Variants in ARHGEF7 observed in about 807,000 individuals in gnomAD.
ARHGEF7 encodes PAK-interacting exchange factor beta.
ARHGEF7 carries 33 observed loss-of-function variants against 109.8 expected under a neutral mutation model. The ratio of observed to expected loss-of-function variants is 0.30; its 90% CI spans 0.23 to 0.40. The LOEUF (loss-of-function observed/expected upper bound fraction) is 0.40. Among genes scored for constraint, ARHGEF7 ranks in the 10% least tolerant of loss-of-function variants. The pLI, the probability that ARHGEF7 is intolerant of heterozygous loss-of-function variation, is 1.00. For synonymous variants in ARHGEF7, 458 were observed against 424.6 expected, an observed-to-expected ratio of 1.08 and a Z score of -0.97; for missense variants, 938 against 1,098.5, an observed-to-expected ratio of 0.85 and a Z score of 2.07.
chr13:111,198,114 C>T (rs1481180070), intron 2 of ARHGEF7, among the ~76,000 whole-genome samples: 1 of 152,054 alleles, frequency 6.6e-6, no homozygotes, highest in Non-Finnish European at 1.5e-5. Flanking sequence ...AGGCAAACCA[C>T]CGCTCCCAAC....
At chr13:111,276,862 C>T (rs2092516171) in intron 12 of ARHGEF7, among the ~76,000 whole-genome samples, 1 of 152,190 alleles carries the variant, frequency 6.6e-6, no homozygotes, top group African/African-American at 2.4e-5. Context: ...TAAATGTCAA[C>T]ATGTGAAAAG....
At chr13:111,252,601 T>G (rs891100729) in intron 8 of ARHGEF7, among the ~76,000 whole-genome samples, 1 of 152,262 alleles carries the variant, frequency 6.6e-6, no homozygotes, top group African/African-American at 2.4e-5. Flanking sequence ...CGGCAGCTCA[T>G]GTCTGTCTGA....
chr13:111,297,921 C>G (rs142424578), intron 19 of ARHGEF7, among the ~76,000 whole-genome samples: 1 of 152,232 alleles, frequency 6.6e-6, no homozygotes, highest in Admixed American at 6.5e-5. Context: ...TCCGCAGTTA[C>G]ATAACTTTTT....
chr13:111,236,906 A>C (rs1211942181), intron 6 of ARHGEF7, among the ~76,000 whole-genome samples: 1 of 152,212 alleles, frequency 6.6e-6, no homozygotes, highest in Non-Finnish European at 1.5e-5. Flanking sequence ...TTGAGGCTGC[A>C]GTAAGCTATG....
At chr13:111,164,805 C>T (rs1219202019) in intron 2 of ARHGEF7, among the ~76,000 whole-genome samples, 2 of 152,192 alleles carry the variant, frequency 1.3e-5, no homozygotes, top group African/African-American at 2.4e-5. Context: ...TAAGAATAAC[C>T]CTCAACAATC....
chr13:111,276,636 A>G (rs1364099349), intron 12 of ARHGEF7, among the ~76,000 whole-genome samples: 7 of 152,220 alleles, frequency 4.6e-5, no homozygotes, highest in Non-Finnish European at 1.0e-4. Flanking sequence ...AGTGGAAAAG[A>G]TTCTTTATGA....
chr13:111,221,889 C>G lies in ARHGEF7; in HGVS notation c.670+4009C>G, dbSNP rs191885648. ...GATAGGCCATCTACAGGCTGAGGAGCAAGGAGAGCCAGTCCGAGTCTCAAA... is the reference window on the plus strand; with the variant it reads ...GATAGGCCATCTACAGGCTGAGGAGGAAGGAGAGCCAGTCCGAGTCTCAAA... On this transcript the variant is annotated intron_variant, in intron 5 of 21. Coordinates refer to ENST00000646102, the MANE Select transcript of ARHGEF7 (RefSeq NM_001354046.2). 1.6e-4 allele frequency among the ~76,000 whole-genome samples: 24 copies of G among 152,060 alleles called. No individual in the cohort carries two copies. In the East Asian group the frequency reaches 4.3e-3, roughly 27 times the overall value.
chr13:111,186,595 T>TAA (rs2079280743), intron 2 of ARHGEF7, among the ~76,000 whole-genome samples: 1 of 152,224 alleles, frequency 6.6e-6, no homozygotes, highest in South Asian at 2.1e-4. Flanking sequence ...TAGCACCACT[T>TAA]ATTTAAGATT....
At chr13:111,242,280 T>C (rs2087925107) in intron 6 of ARHGEF7, among the ~76,000 whole-genome samples, 1 of 152,232 alleles carries the variant, frequency 6.6e-6, no homozygotes, top group African/African-American at 2.4e-5. Flanking sequence ...CAGGAATGAC[T>C]GTATTCCTTT....
In ARHGEF7 at chr13:111,286,256, C is replaced by A. The variant is rs2153615593; in HGVS notation, c.2044+16C>A. 2 of 1,605,278 alleles carry A rather than the reference C, an allele frequency of 1.2e-6. No homozygotes were observed. The highest frequency in any genetic ancestry group is 1.1e-5 in the South Asian group (1 of 90,728). ...TCCCGGAAAAGTGAGTACCTGCGGT[C>A]CGTGTGGTGGAGGACGTGGCCTCCT... is the stretch of plus-strand genomic sequence containing the variant. On this transcript the variant is annotated intron_variant, in intron 17 of 21. Transcript: ENST00000646102.
chr13:111,158,850 C>T (rs1010583398), intron 2 of ARHGEF7, among the ~76,000 whole-genome samples: 4 of 152,202 alleles, frequency 2.6e-5, no homozygotes, highest in Non-Finnish European at 4.4e-5. Context: ...ACCTCACATA[C>T]TTCTTATTTC....
intron 5 of ARHGEF7, among the ~76,000 whole-genome samples, chr13:111,231,804 C>T (rs1334994013): frequency 6.6e-6 from 1 of 152,044 alleles, no homozygotes; most frequent in Non-Finnish European, 1.5e-5. Flanking sequence ...TGTGTTCCCG[C>T]CCAGTGAGGG....
intron 4 of ARHGEF7, among the ~76,000 whole-genome samples, chr13:111,213,484 C>T (rs1398852378): frequency 6.6e-6 from 1 of 152,226 alleles, no homozygotes; most frequent in African/African-American, 2.4e-5. Context: ...GCATGACCAG[C>T]CTCCAACTCC....
At chr13:111,144,515 A>G (rs1379550874) in intron 1 of ARHGEF7, 1 of 152,244 alleles carries the variant, frequency 6.6e-6, no homozygotes, top group Non-Finnish European at 1.5e-5. Context: ...TCCATTTAAC[A>G]TTATTGACTG....
intron 8 of ARHGEF7, among the ~76,000 whole-genome samples, chr13:111,245,712 T>C (rs2088708559): frequency 6.6e-6 from 1 of 152,240 alleles, no homozygotes. Context: ...CTGGGCCAAA[T>C]GCGTTGTTGA....
chr13:111,210,221 T>A (rs923762660), intron 4 of ARHGEF7, among the ~76,000 whole-genome samples: 3 of 152,198 alleles, frequency 2.0e-5, no homozygotes, highest in Non-Finnish European at 4.4e-5. Context: ...ACTCATTTGT[T>A]TTTAGGTTGT....
chr13:111,172,147 G>GT (rs1180729737), intron 2 of ARHGEF7, among the ~76,000 whole-genome samples: 1 of 152,166 alleles, frequency 6.6e-6, no homozygotes, highest in East Asian at 1.9e-4. Context: ...CTCTAAATAC[G>GT]TAAGTAGCTC....
At position 111,250,069 on chromosome 13, in the gene ARHGEF7, C is replaced by T. The variant is rs374720940; in HGVS notation, c.950+5775C>T. On this transcript the variant is annotated intron_variant, in intron 8 of 21. Transcript: ENST00000646102. ...TTTGATAGGAGTAATTTGGCTATAG[C>T]CAGATTTATAGAACCCATTTCCTTT... is the stretch of plus-strand genomic sequence containing the variant. Among the ~76,000 whole-genome samples the T allele has an allele frequency of 8.5e-5, 13 of 152,272 alleles. No homozygotes were observed. In the South Asian group the frequency reaches 2.5e-3, roughly 29 times the overall value.
intron 2 of ARHGEF7, chr13:111,186,745 T>C (rs1164273): frequency 1 from 867,734 of 869,910 alleles, 432,809 homozygotes; most frequent in East Asian, 1. Context: ...TTTCTCAAGT[T>C]CCTGGAGGAG....
Sources: allele counts gnomAD v4.1 joint callset (sites outside exome capture counted in the v4.1 genomes callset), GRCh38; gene constraint gnomAD v4.1.1; transcripts MANE v1.5; gene names NCBI Gene and HGNC (gene_info 2026-07-23, HGNC 2026-07-21).